ARHGAP26: variants seen among roughly 807,000 people sequenced by gnomAD.
ARHGAP26 encodes the protein Rho GTPase activating protein 26.
ARHGAP26 carries 38 observed loss-of-function variants against 104.8 expected under a neutral mutation model. That is an observed-to-expected ratio of 0.36 (90% CI 0.28 to 0.48). The LOEUF (loss-of-function observed/expected upper bound fraction) is 0.48, where lower values mean the gene tolerates loss of function less well. Ranked by LOEUF, ARHGAP26 falls within the 20% of genes least tolerant of loss-of-function variation. ARHGAP26 has a pLI of 0.99. For synonymous variants in ARHGAP26, 341 were observed against 340.0 expected (o/e 1.00, Z -0.03); for missense variants, 704 against 947.9 (o/e 0.74, Z 3.38).
intron 11 of ARHGAP26, among the ~76,000 whole-genome samples, chr5:142,979,812 C>T (rs556560911): frequency 2.3e-4 from 35 of 152,312 alleles, no homozygotes; most frequent in African/African-American, 7.2e-4. Flanking sequence ...CTGTTGTGGG[C>T]GTGCCAGAGG....
chr5:142,810,238 T>C (rs1763798448), intron 1 of ARHGAP26, among the ~76,000 whole-genome samples: 1 of 152,158 alleles, frequency 6.6e-6, no homozygotes, highest in African/African-American at 2.4e-5. Flanking sequence ...AAGGCCTCAT[T>C]GTGTGTTGTT....
chr5:143,133,932 A>G, intron 18 of ARHGAP26, 35 bp from the exon 19 acceptor site: 2 of 1,579,854 alleles, frequency 1.3e-6, no homozygotes, highest in Non-Finnish European at 1.7e-6. Flanking sequence ...CAGTCCACAG[A>G]TGTGAGTAAC....
At chr5:143,069,400 G>A (rs1787944506) in intron 17 of ARHGAP26, among the ~76,000 whole-genome samples, 1 of 152,004 alleles carries the variant, frequency 6.6e-6, no homozygotes, top group African/African-American at 2.4e-5. Flanking sequence ...TAACTCATGG[G>A]TAGCCCTTTT....
chr5:143,118,149 CAA>C (rs1332903364), intron 17 of ARHGAP26, among the ~76,000 whole-genome samples: 2 of 151,970 alleles, frequency 1.3e-5, no homozygotes, highest in Non-Finnish European at 2.9e-5. Context: ...GTTTGCCAAG[CAA>C]AGAAAGCAGC....
intron 1 of ARHGAP26, among the ~76,000 whole-genome samples, chr5:142,810,986 G>C (rs78017767): frequency 0.071 from 10,761 of 152,154 alleles, 724 homozygotes; most frequent in East Asian, 0.17. Flanking sequence ...AAATCTACCC[G>C]CTTCCAGTCC....
intron 20 of ARHGAP26, among the ~76,000 whole-genome samples, chr5:143,183,823 G>A (rs996764534): frequency 2.0e-5 from 3 of 152,174 alleles, no homozygotes; most frequent in Non-Finnish European, 4.4e-5. Context: ...TGTCTCTGTC[G>A]TGCTCCTAAG....
chr5:143,109,479 C>T (rs1179051778), intron 17 of ARHGAP26, among the ~76,000 whole-genome samples: 1 of 151,340 alleles, frequency 6.6e-6, no homozygotes, highest in East Asian at 1.9e-4. Flanking sequence ...TTTTTTTAGA[C>T]AGCGTCTTGC....
chr5:143,108,843 A>G (rs1466903271), intron 17 of ARHGAP26, among the ~76,000 whole-genome samples: 1 of 152,220 alleles, frequency 6.6e-6, no homozygotes, highest in Admixed American at 6.5e-5. Context: ...TCATGTCCAT[A>G]GAAGCTGCAA....
chr5:142,930,682 G>A (rs1018231898), intron 10 of ARHGAP26, among the ~76,000 whole-genome samples: 9 of 151,722 alleles, frequency 5.9e-5, no homozygotes, highest in Non-Finnish European at 1.2e-4. Context: ...CGACCCACAC[G>A]CATTTACACC....
chr5:142,943,500 G>A (rs1195040954), intron 11 of ARHGAP26, among the ~76,000 whole-genome samples: 3 of 152,112 alleles, frequency 2.0e-5, no homozygotes, highest in Non-Finnish European at 4.4e-5. Flanking sequence ...TCTTTTATGA[G>A]GGCACCCATC....
chr5:143,118,175 A>C (rs996438780), intron 17 of ARHGAP26, among the ~76,000 whole-genome samples: 1 of 152,238 alleles, frequency 6.6e-6, no homozygotes, highest in Non-Finnish European at 1.5e-5. Flanking sequence ...AGAACATTTC[A>C]GGCAGAGGAA....
rs564416096 is a variant in ARHGAP26 at position 143,163,507 on chromosome 5, A to G, written c.1988+16126A>G. ...GCTCTGTTGCCCAGGCTCGAGTGCA[A>G]TGGTGCGATCTTGGCTCACTGCAAC... On this transcript the variant is annotated intron_variant, in intron 20 of 22. Coordinates refer to ENST00000645722, the MANE Select transcript of ARHGAP26 (RefSeq NM_001135608.3). 1.3e-4 allele frequency among the ~76,000 whole-genome samples: 20 copies of G among 148,570 alleles called. No homozygotes were observed. In the South Asian group the frequency reaches 4.3e-3, roughly 32 times the overall value.
At chr5:143,122,496 A>G (rs1219451447) in intron 18 of ARHGAP26, among the ~76,000 whole-genome samples, 1 of 152,202 alleles carries the variant, frequency 6.6e-6, no homozygotes, top group East Asian at 1.9e-4. Flanking sequence ...GTCTGTTTTC[A>G]TATCAAAAGA....
In ARHGAP26 at chr5:143,064,188, C is replaced by T. The variant is rs138356541; in HGVS notation, c.1538+6441C>T. On this transcript the variant is annotated intron_variant, in intron 17 of 22. Transcript: ENST00000645722. ...CCCTATCCCCCAGGGTGTGCCTTCT[C>T]CAGTTTGCCTTAGTTCCTAACAGTC... 2.0e-5 allele frequency among the ~76,000 whole-genome samples: 3 copies of T among 152,124 alleles called. No homozygotes were observed. The East Asian group carries it at 5.8e-4, about 29-fold the overall frequency.
chr5:143,044,746 T>C (rs546238203), intron 14 of ARHGAP26, among the ~76,000 whole-genome samples: 39 of 152,326 alleles, frequency 2.6e-4, no homozygotes, highest in Non-Finnish European at 5.3e-4. Context: ...ATTCTAGCAT[T>C]AGGAGCATAT....
chr5:143,012,576 T>TATATATATATATATATATATATAA (rs1554195628), intron 11 of ARHGAP26, among the ~76,000 whole-genome samples: 3 of 57,032 alleles, frequency 5.3e-5, no homozygotes, highest in African/African-American at 1.4e-4. Flanking sequence ...TATATATATA[T>TATATATATATATATATATATATAA]TATGATCAGG....
intron 6 of ARHGAP26, among the ~76,000 whole-genome samples, chr5:142,898,152 GTA>G (rs764696345): frequency 1.5e-5 from 2 of 131,712 alleles, no homozygotes; most frequent in Non-Finnish European, 3.0e-5. Flanking sequence ...ATATATGTGT[GTA>G]TATATATATA....
At chr5:143,118,054 T>G (rs1047277374) in intron 17 of ARHGAP26, among the ~76,000 whole-genome samples, 2 of 152,184 alleles carry the variant, frequency 1.3e-5, no homozygotes, top group African/African-American at 4.8e-5. Context: ...CACTTCTGCC[T>G]TCACTGGGTA....
chr5:142,846,223 T>C (rs1425991041), intron 1 of ARHGAP26, among the ~76,000 whole-genome samples: 4 of 152,212 alleles, frequency 2.6e-5, no homozygotes, highest in Non-Finnish European at 5.9e-5. Context: ...CACAGTTACC[T>C]GTGTGAGGGT....
Sources: gnomAD v4.1 joint callset for allele counts (sites outside exome capture counted in the v4.1 genomes callset) on GRCh38, gnomAD v4.1.1 for gene constraint, MANE v1.5 for transcripts, NCBI Gene and HGNC (gene_info 2026-07-23, HGNC 2026-07-21) for gene names.